The following RYK variants were observed in gnomAD, a reference collection of about 807,000 sequenced individuals.
RYK encodes the protein receptor like tyrosine kinase.
A neutral mutation model predicts 70.2 loss-of-function variants in RYK; 21 were observed. That is an observed-to-expected ratio of 0.30 (90% confidence interval 0.21 to 0.43). The LOEUF (loss-of-function observed/expected upper bound fraction) is 0.43. RYK is among the 20% of genes least tolerant of loss of function. The pLI is 1.00. For missense variants in RYK, 604 were observed against 753.3 expected (o/e 0.80, Z 2.32); for synonymous variants, 267 against 278.0 (o/e 0.96, Z 0.39).
At position 134,188,166 on chromosome 3, in the gene RYK, T is replaced by C. The variant is rs1314282885; in HGVS notation, c.1102+671A>G. Among the ~76,000 whole-genome samples the C allele has an allele frequency of 1.5e-4, 9 of 58,710 alleles. No individual in the cohort carries two copies. In the East Asian group the frequency reaches 3.2e-3, roughly 21 times the overall value. 38.5% of individuals were successfully genotyped at this position (58,710 alleles called of 152,430 possible). A position where few individuals can be genotyped will look rare whatever the true frequency, so the allele number is the denominator to read the frequency against. ...CAATCTAACAATATATATATATATATATTTTTTTTTTTTTTTGAGACAGAG... is the reference window on the plus strand; with the variant it reads ...CAATCTAACAATATATATATATATACATTTTTTTTTTTTTTTGAGACAGAG... On this transcript the variant is annotated intron_variant, in intron 9 of 14. Coordinates refer to ENST00000623711, the MANE Select transcript of RYK (RefSeq NM_002958.4).
chr3:134,225,604 A>T (rs988659005), intron 1 of RYK, among the ~76,000 whole-genome samples: 3 of 152,194 alleles, frequency 2.0e-5, no homozygotes, highest in African/African-American at 7.2e-5. Context: ...CTGTAATCCC[A>T]GCTCTTTGGG....
intron 2 of RYK, among the ~76,000 whole-genome samples, chr3:134,219,945 A>G (rs2014687467): frequency 6.6e-6 from 1 of 152,246 alleles, no homozygotes. Context: ...ATCTCCCCAC[A>G]AATTACTTAC....
At chr3:134,194,092 CA>C (rs2013736469) in intron 7 of RYK, among the ~76,000 whole-genome samples, 1 of 152,194 alleles carries the variant, frequency 6.6e-6, no homozygotes, top group Non-Finnish European at 1.5e-5. Context: ...ACTATTTTAT[CA>C]GGAGTTGCAC....
chr3:134,193,092 T>C (rs1258045702), intron 7 of RYK, among the ~76,000 whole-genome samples: 2 of 152,344 alleles, frequency 1.3e-5, no homozygotes, highest in Non-Finnish European at 2.9e-5. Flanking sequence ...AAGTAAATTA[T>C]CTAGCTCCTT....
At chr3:134,186,141 G>A (rs1480686790) in intron 9 of RYK, among the ~76,000 whole-genome samples, 1 of 152,132 alleles carries the variant, frequency 6.6e-6, no homozygotes. Context: ...CTATAATAAA[G>A]AAAATAAGAA....
At chr3:134,215,350 G>A (rs925287429) in intron 2 of RYK, among the ~76,000 whole-genome samples, 1 of 152,208 alleles carries the variant, frequency 6.6e-6, no homozygotes, top group African/African-American at 2.4e-5. Flanking sequence ...GAGGTGCAAA[G>A]GGCTGAGGAG....
chr3:134,222,739 T>C (rs2014780027), intron 1 of RYK, among the ~76,000 whole-genome samples, 200 bp from the exon 2 acceptor site: 2 of 152,138 alleles, frequency 1.3e-5, no homozygotes, highest in South Asian at 4.2e-4. Context: ...AAATTGAGAC[T>C]TGAAACAATT....
In RYK at chr3:134,217,830, T is replaced by G. The variant is rs145234225; in HGVS notation, c.354+4588A>C. Reference sequence around the variant, plus strand: ...TGTATACCCTTTATGCTTTTTAAATTTTTACTATGTGCATATATTATCTAC... The same window carrying G: ...TGTATACCCTTTATGCTTTTTAAATGTTTACTATGTGCATATATTATCTAC... On this transcript the variant is annotated intron_variant, in intron 2 of 14. Transcript: ENST00000623711. Among the ~76,000 whole-genome samples the G allele has an allele frequency of 1.1e-3, 171 of 152,284 alleles. 1 individual carries two copies. The highest frequency in any genetic ancestry group is 3.5e-3 in the African/African-American group (145 of 41,566).
intron 13 of RYK, among the ~76,000 whole-genome samples, chr3:134,171,472 T>C (rs2012903817): frequency 6.6e-6 from 1 of 152,224 alleles, no homozygotes; most frequent in South Asian, 2.1e-4. Context: ...TTTCACTCTG[T>C]AGGTCCTACA....
intron 13 of RYK, among the ~76,000 whole-genome samples, chr3:134,172,838 G>A (rs78079846): frequency 0.091 from 13,814 of 152,082 alleles, 1,289 homozygotes; most frequent in South Asian, 0.32. Flanking sequence ...TGAACCCTGG[G>A]ATTCAGTATC....
intron 3 of RYK, among the ~76,000 whole-genome samples, chr3:134,210,680 C>A (rs902472347): frequency 6.6e-6 from 1 of 152,136 alleles, no homozygotes; most frequent in Non-Finnish European, 1.5e-5. Flanking sequence ...AAGAAGTTAG[C>A]TCAAAAGCAG....
chr3:134,158,232 T>C lies in RYK; in HGVS notation c.1745A>G (p.Asp582Gly). Residue 582 changes from aspartate to glycine, a missense_variant, in exon 15 of 15, where the codon GAT becomes GGT. Physicochemically the swap from Asp to Gly is moderately conservative, Grantham distance 94. This residue lies in a region of RYK where 138 missense variants were observed against 217.4 expected (regional missense o/e 0.63). Transcript: ENST00000623711. ...FAVMACCWAL[D>G]PEERPKFQQL... Reference sequence around the variant, plus strand: ...CTGAAACTTGGGCCTCTCCTCTGGATCTAAGGCCCAGCAACAGGCCATCAC... The same window carrying C: ...CTGAAACTTGGGCCTCTCCTCTGGACCTAAGGCCCAGCAACAGGCCATCAC... 6.4e-7 allele frequency: 1 copy of C among 1,574,350 alleles called. No individual in the cohort carries two copies. The highest frequency in any genetic ancestry group is 8.6e-7 in the Non-Finnish European group (1 of 1,158,540).
chr3:134,187,867 C>T (rs138512772), intron 9 of RYK, among the ~76,000 whole-genome samples: 1 of 151,900 alleles, frequency 6.6e-6, no homozygotes, highest in East Asian at 1.9e-4. Flanking sequence ...GCTCTTAATT[C>T]AGAACTATTT....
intron 13 of RYK, among the ~76,000 whole-genome samples, chr3:134,167,691 T>C (rs2012727536): frequency 6.6e-6 from 1 of 152,030 alleles, no homozygotes; most frequent in African/African-American, 2.4e-5. Flanking sequence ...ACCTAGGCAA[T>C]ACCATTCAGG....
intron 13 of RYK, among the ~76,000 whole-genome samples, chr3:134,161,496 T>C (rs543390588): frequency 1.3e-5 from 2 of 152,250 alleles, no homozygotes; most frequent in South Asian, 4.1e-4. Context: ...CACAGACAAA[T>C]GTCCTTAGCC....
intron 13 of RYK, among the ~76,000 whole-genome samples, chr3:134,167,962 A>G (rs1015823480): frequency 6.6e-6 from 1 of 152,260 alleles, no homozygotes; most frequent in Non-Finnish European, 1.5e-5. Context: ...TGGGCAAAGG[A>G]TATGAACAGA....
Position 134,209,731 on chromosome 3 carries a change from C to A in RYK, c.553G>T (p.Val185Phe). The A allele has an allele frequency of 6.7e-7, 1 of 1,491,122 alleles. No homozygotes were observed. Among genetic ancestry groups the A allele is most frequent in the Non-Finnish European group, 8.9e-7 (1 of 1,118,324 alleles). 92.4% of individuals were successfully genotyped at this position (1,491,122 alleles called of 1,614,324 possible). Residue 185 changes from valine (V) to phenylalanine (F), a missense_variant, in exon 4 of 15, where the codon GTC becomes TTC. Physicochemically the swap from Val to Phe is conservative, Grantham distance 50. Around this residue, in one of 2 missense-constraint regions of RYK, gnomAD observed 466 missense variants for 535.9 expected, o/e 0.87. Coordinates refer to ENST00000623711, the MANE Select transcript of RYK (RefSeq NM_002958.4). ...ATTTTCCTTCGTTTAAAATTTAAGA[C>A]GGTAAAATTTTTTGAAGAATTTACT... ...LTVNSSKNFTVLNFKRRKMCY... is the reference protein window; with the variant it reads ...LTVNSSKNFTFLNFKRRKMCY...
At chr3:134,176,209 T>C (rs1461641128) in intron 11 of RYK, among the ~76,000 whole-genome samples, 170 bp from the exon 12 acceptor site, 1 of 152,232 alleles carries the variant, frequency 6.6e-6, no homozygotes, top group Admixed American at 6.5e-5. Context: ...TATATCCCTA[T>C]ACTTATATCA....
At chr3:134,207,388 T>C in intron 5 of RYK, 84 bp downstream of exon 5, 2 of 840,890 alleles carry the variant, frequency 2.4e-6, no homozygotes, top group Middle Eastern at 3.0e-4. Context: ...CCATGAGGCC[T>C]CCAAGCTTCA....
Sources: gnomAD v4.1 joint callset for allele counts (sites outside exome capture counted in the v4.1 genomes callset) on GRCh38, gnomAD v4.1.1 for gene constraint, gnomAD v4.1.1 regional missense constraint, MANE v1.5 for transcripts, NCBI Gene and HGNC (gene_info 2026-07-23, HGNC 2026-07-21) for gene names.